TACC1: variants seen among roughly 807,000 people sequenced by gnomAD.
TACC1 encodes transforming acidic coiled-coil containing protein 1, also known as transforming acidic coiled-coil-containing protein 1.
TACC1 carries 48 observed loss-of-function variants against 84.4 expected under a neutral mutation model. That is an observed-to-expected ratio of 0.57 (90% CI 0.45 to 0.72). TACC1 has a LOEUF of 0.72. Among genes scored for constraint, TACC1 ranks in the 30% least tolerant of loss-of-function variants. The pLI is 0.00. For synonymous variants in TACC1, 372 were observed against 376.3 expected (o/e 0.99, Z 0.13); for missense variants, 920 against 973.0 (o/e 0.95, Z 0.72).
At chr8:38,729,499 C>T (rs1461728378) in intron 1 of TACC1, among the ~76,000 whole-genome samples, 1 of 152,232 alleles carries the variant, frequency 6.6e-6, no homozygotes, top group Admixed American at 6.5e-5. Flanking sequence ...ATGGCTTCTG[C>T]ATAAGGAGTA....
At chr8:38,741,061 C>T (rs1296185038) in intron 1 of TACC1, among the ~76,000 whole-genome samples, 1 of 152,036 alleles carries the variant, frequency 6.6e-6, no homozygotes, top group Non-Finnish European at 1.5e-5. Flanking sequence ...TAGAGATTTC[C>T]TTTGAATGTT....
chr8:38,772,136 A>G (rs1005416816), intron 3 of TACC1, among the ~76,000 whole-genome samples: 2 of 152,236 alleles, frequency 1.3e-5, no homozygotes, highest in Admixed American at 6.5e-5. Context: ...ACGTGTTCAA[A>G]TAAGACCAGC....
chr8:38,771,502 T>C (rs1360705132), intron 3 of TACC1, among the ~76,000 whole-genome samples: 1 of 152,146 alleles, frequency 6.6e-6, no homozygotes, highest in African/African-American at 2.4e-5. Context: ...TAATTGAAAT[T>C]GCTGCTGATC....
chr8:38,848,026 C>CACTCCCCCTGT lies in TACC1; in HGVS notation c.*4_*14dup. ...CAAAGCTGGGAAAGACTGACTGAGA[C>CACTCCCCCTGT]ACTCCCCCTGTTAGCTCAACAGATC... is the stretch of plus-strand genomic sequence containing the variant. On this transcript the variant is annotated 3_prime_UTR_variant, in exon 13 of 13. Coordinates refer to ENST00000317827, the MANE Select transcript of TACC1 (RefSeq NM_006283.3). 6.2e-7 allele frequency: 1 copy of CACTCCCCCTGT among 1,613,116 alleles called. No homozygotes were observed. The highest frequency in any genetic ancestry group is 8.5e-7 in the Non-Finnish European group (1 of 1,179,406).
chr8:38,769,172 A>G (rs1812917827), intron 3 of TACC1, among the ~76,000 whole-genome samples: 1 of 102,376 alleles, frequency 9.8e-6, no homozygotes, highest in Non-Finnish European at 2.0e-5. Context: ...TGTGTATGAG[A>G]CTGTGTATGG....
rs948098093 is a variant in TACC1 at position 38,851,647 on chromosome 8, CTT to C, written c.*3626_*3627del. 1.2e-4 allele frequency: 33 copies of C among 285,402 alleles called. 1 individual carries two copies. Among genetic ancestry groups the C allele is most frequent in the African/African-American group, 6.8e-4 (31 of 45,420 alleles). 17.7% of individuals were successfully genotyped at this position (285,402 alleles called of 1,614,324 possible). A position where few individuals can be genotyped will look rare whatever the true frequency, so the allele number is the denominator to read the frequency against. On this transcript the variant is annotated 3_prime_UTR_variant, in exon 13 of 13. Transcript: ENST00000317827. ...CATGAACTGTCTCTGACTGTTGTCT[CTT>C]TGTGGTCATGTGATTGTGAGCTTGC...
intron 1 of TACC1, among the ~76,000 whole-genome samples, chr8:38,731,682 G>A (rs1358252906): frequency 6.6e-6 from 1 of 152,162 alleles, no homozygotes; most frequent in Admixed American, 6.5e-5. Context: ...GAACCTGGGA[G>A]ACAGCCTAGG....
chr8:38,842,402 C>A lies in TACC1; in HGVS notation c.2076C>A (p.Phe692Leu). 1 of 1,614,012 alleles carries A rather than the reference C, an allele frequency of 6.2e-7. No homozygotes were observed. The highest frequency in any genetic ancestry group is 1.1e-5 in the South Asian group (1 of 91,046). The change falls in exon 10 of 13, where the codon TTC becomes TTA. Residue 692 changes from phenylalanine to leucine, a missense_variant. Around this residue, in one of 2 missense-constraint regions of TACC1, gnomAD observed 158 missense variants for 225.6 expected, o/e 0.70. Transcript: ENST00000317827. Reference protein sequence around the residue: ...NSVERSLSDLFRRYENLKGVL... With the variant: ...NSVERSLSDLLRRYENLKGVL... ...TGGAAAGGTCCCTTTCTGATCTCTTCAGGAGATATGAGAACCTGAAAGGTG... is the reference window on the plus strand; with the variant it reads ...TGGAAAGGTCCCTTTCTGATCTCTTAAGGAGATATGAGAACCTGAAAGGTG...
chr8:38,742,870 G>A (rs948429833), intron 2 of TACC1, among the ~76,000 whole-genome samples: 13 of 152,006 alleles, frequency 8.6e-5, no homozygotes, highest in Admixed American at 2.0e-4. Flanking sequence ...GAGCACCACC[G>A]CAACTGGCTA....
intron 3 of TACC1, among the ~76,000 whole-genome samples, chr8:38,763,949 G>A (rs529301256): frequency 6.6e-6 from 1 of 152,166 alleles, no homozygotes; most frequent in African/African-American, 2.4e-5. Context: ...CAATTACAGG[G>A]TCAAATAATG....
At position 38,842,405 on chromosome 8, in the gene TACC1, G is replaced by A. The variant is rs141182142; in HGVS notation, c.2079G>A (p.Arg693=). ...SVERSLSDLF[R]RYENLKGVLE... ...AAAGGTCCCTTTCTGATCTCTTCAG[G>A]AGATATGAGAACCTGAAAGGTGTTC... The change falls in exon 10 of 13, where the codon AGG becomes AGA. Residue 693 remains arginine, a synonymous_variant. Coordinates refer to ENST00000317827, the MANE Select transcript of TACC1 (RefSeq NM_006283.3). 5 of 1,613,972 alleles carry A rather than the reference G, an allele frequency of 3.1e-6. No individual in the cohort carries two copies. The highest frequency in any genetic ancestry group is 3.4e-6 in the Non-Finnish European group (4 of 1,179,968).
At chr8:38,843,863 A>G (rs1260947195) in intron 11 of TACC1, among the ~76,000 whole-genome samples, 1 of 152,220 alleles carries the variant, frequency 6.6e-6, no homozygotes, top group East Asian at 1.9e-4. Flanking sequence ...TGCCACAGAC[A>G]GTGCTGTAAT....
At chr8:38,766,058 G>A (rs943112330) in intron 3 of TACC1, among the ~76,000 whole-genome samples, 1 of 152,174 alleles carries the variant, frequency 6.6e-6, no homozygotes, top group Admixed American at 6.5e-5. Context: ...AGGACATAAA[G>A]CACAAACAGA....
At chr8:38,745,220 G>T in exon 3 of TACC1, 1 of 394,516 alleles carries the variant, frequency 2.5e-6, no homozygotes. Flanking sequence ...CTCAGCTAAA[G>T]ACAAAGATCT....
chr8:38,777,840 TG>T (rs1288055097), intron 3 of TACC1, among the ~76,000 whole-genome samples: 1 of 152,186 alleles, frequency 6.6e-6, no homozygotes, highest in Non-Finnish European at 1.5e-5. Flanking sequence ...ACTTACCCCT[TG>T]TGCTCACATC....
intron 2 of TACC1, among the ~76,000 whole-genome samples, chr8:38,806,448 CTG>C (rs763243623): frequency 1.3e-5 from 2 of 149,840 alleles, no homozygotes; most frequent in African/African-American, 4.9e-5. Context: ...CATGGTCTGC[CTG>C]TGTGTGTGTG....
chr8:38,804,134 G>T (rs1822085174), intron 2 of TACC1, among the ~76,000 whole-genome samples: 1 of 152,110 alleles, frequency 6.6e-6, no homozygotes, highest in South Asian at 2.1e-4. Flanking sequence ...ATCAAGTTAG[G>T]TAATGTTTAT....
chr8:38,785,114 A>C (rs539395296), upstream of TACC1, among the ~76,000 whole-genome samples: 2 of 142,486 alleles, frequency 1.4e-5, no homozygotes, highest in South Asian at 5.1e-4. Flanking sequence ...CGAGCAGCTG[A>C]AGCCTGGGAA....
At chr8:38,740,484 G>T (rs1292657394) in intron 1 of TACC1, among the ~76,000 whole-genome samples, 1 of 152,122 alleles carries the variant, frequency 6.6e-6, no homozygotes, top group Non-Finnish European at 1.5e-5. Context: ...GCACCTTTTT[G>T]ATCCCAAATG....
Sources: allele counts gnomAD v4.1 joint callset (sites outside exome capture counted in the v4.1 genomes callset), GRCh38; gene constraint gnomAD v4.1.1; regional missense constraint gnomAD v4.1.1; transcripts MANE v1.5; gene names NCBI Gene and HGNC (gene_info 2026-07-23, HGNC 2026-07-21).